Variants in MCC observed in about 807,000 individuals in gnomAD.
MCC encodes colorectal mutant cancer protein.
Under a neutral mutation model 116.2 loss-of-function variants are expected in MCC, and 90 were observed. The observed-to-expected ratio is 0.77, with a 90% confidence interval of 0.65 to 0.92. The LOEUF (loss-of-function observed/expected upper bound fraction) is 0.92, where lower values mean the gene tolerates loss of function less well. Ranked by LOEUF, MCC falls within the 40% of genes least tolerant of loss-of-function variation. The pLI is 0.00. For missense variants in MCC, 1,516 were observed against 1,312.2 expected (o/e 1.16, Z -2.40); for synonymous variants, 578 against 510.5 (o/e 1.13, Z -1.78).
At chr5:113,350,746 C>A (rs1398564793) in intron 2 of MCC, among the ~76,000 whole-genome samples, 1 of 152,042 alleles carries the variant, frequency 6.6e-6, no homozygotes, top group Admixed American at 6.6e-5. Context: ...AGTGAAGAGA[C>A]AACCCACAGA....
intron 3 of MCC, among the ~76,000 whole-genome samples, chr5:113,271,656 A>C (rs1765623108): frequency 6.6e-6 from 1 of 152,222 alleles, no homozygotes; most frequent in African/African-American, 2.4e-5. Context: ...CTTAATCCCC[A>C]GCACAATAGT....
intron 1 of MCC, among the ~76,000 whole-genome samples, chr5:113,397,940 T>C (rs1253378970): frequency 6.6e-6 from 1 of 152,186 alleles, no homozygotes; most frequent in Non-Finnish European, 1.5e-5. Context: ...AAACTATGCA[T>C]CCAACAATGG....
At chr5:113,444,131 C>T (rs1455097146) in intron 1 of MCC, among the ~76,000 whole-genome samples, 1 of 152,122 alleles carries the variant, frequency 6.6e-6, no homozygotes, top group East Asian at 1.9e-4. Context: ...AGGTGTGCAT[C>T]ACCGTGCCCG....
chr5:113,311,801 G>A (rs573587152), intron 3 of MCC, among the ~76,000 whole-genome samples: 42 of 151,830 alleles, frequency 2.8e-4, no homozygotes, highest in African/African-American at 8.5e-4. Context: ...GTAAAACCCC[G>A]TCTCTACTAA....
In MCC at chr5:113,218,683, A is replaced by G. The variant is rs556727432; in HGVS notation, c.628-67261T>C. Among the ~76,000 whole-genome samples, 8 of 152,364 alleles carry G rather than the reference A, an allele frequency of 5.3e-5. No homozygotes were observed. In the East Asian group the frequency reaches 1.5e-3, roughly 29 times the overall value. On this transcript the variant is annotated intron_variant, in intron 3 of 18. Transcript: ENST00000408903. ...TTTTTCACATTACAAATGGAACTCA[A>G]TACAGATTTTAGAATATAAATATCC... is the stretch of plus-strand genomic sequence containing the variant.
At chr5:113,416,573 T>C (rs1747581095) in intron 1 of MCC, among the ~76,000 whole-genome samples, 1 of 152,220 alleles carries the variant, frequency 6.6e-6, no homozygotes, top group Non-Finnish European at 1.5e-5. Flanking sequence ...CATATATATC[T>C]ATACATAAAT....
intron 17 of MCC, among the ~76,000 whole-genome samples, chr5:113,038,834 T>C (rs1032340420): frequency 2.0e-5 from 3 of 152,216 alleles, no homozygotes; most frequent in Admixed American, 1.3e-4. Flanking sequence ...TTCTGGTGGA[T>C]GAGTCAGGGG....
intron 16 of MCC, among the ~76,000 whole-genome samples, chr5:113,047,146 TTG>T (rs1752147758): frequency 6.6e-6 from 1 of 152,124 alleles, no homozygotes; most frequent in South Asian, 2.1e-4. Flanking sequence ...AAGTGGACAT[TTG>T]TGTCTGGCTT....
chr5:113,472,749 G>A (rs980311271), intron 1 of MCC, among the ~76,000 whole-genome samples: 1 of 152,146 alleles, frequency 6.6e-6, no homozygotes, highest in African/African-American at 2.4e-5. Context: ...AATATTTTTT[G>A]TGATTTCCTC....
chr5:113,213,435 T>G (rs1050039358), intron 3 of MCC, among the ~76,000 whole-genome samples: 1 of 152,206 alleles, frequency 6.6e-6, no homozygotes. Flanking sequence ...GGTCTCACAG[T>G]GTTCATGGCT....
At chr5:113,306,859 T>C (rs967803079) in intron 3 of MCC, among the ~76,000 whole-genome samples, 2 of 152,158 alleles carry the variant, frequency 1.3e-5, no homozygotes, top group African/African-American at 2.4e-5. Flanking sequence ...TTAGCCCTTA[T>C]GTTGAGGTCA....
chr5:113,138,030 A>G (rs1758942710), intron 5 of MCC, among the ~76,000 whole-genome samples: 2 of 66,738 alleles, frequency 3.0e-5, no homozygotes, highest in South Asian at 1.5e-3. Flanking sequence ...TTGCGTCCCA[A>G]AATTCTTTTT....
intron 3 of MCC, among the ~76,000 whole-genome samples, chr5:113,245,634 C>T (rs555309172): frequency 2.0e-5 from 3 of 152,282 alleles, no homozygotes; most frequent in African/African-American, 7.2e-5. Flanking sequence ...TGAAACTGTG[C>T]TACCACCCTG....
rs1320822103 is a variant in MCC, at chr5:113,472,017, C to A, written c.170+16228G>T. Among the ~76,000 whole-genome samples, 3 of 152,022 alleles carry A rather than the reference C, an allele frequency of 2.0e-5. No homozygotes were observed. In the East Asian group the frequency reaches 5.8e-4, roughly 29 times the overall value. On this transcript the variant is annotated intron_variant, in intron 1 of 18. Transcript: ENST00000408903. ...GTTTTTTAAGCCCGTTGGAAAAGTG[C>A]AGTATTAGGGTCGGAGTGACCCGAT...
At chr5:113,039,716 C>CCA (rs1554106461) in intron 17 of MCC, among the ~76,000 whole-genome samples, 1 of 139,578 alleles carries the variant, frequency 7.2e-6, no homozygotes. Flanking sequence ...TCCGCGCCCC[C>CCA]CCCCCCAACC....
intron 3 of MCC, chr5:113,294,317 G>A: frequency 6.2e-7 from 1 of 1,613,640 alleles, no homozygotes; most frequent in Non-Finnish European, 8.5e-7. Context: ...CCCGACCTCA[G>A]CTGTTTCTTA....
chr5:113,063,183 C>A (rs1434993956), intron 14 of MCC, among the ~76,000 whole-genome samples: 2 of 152,168 alleles, frequency 1.3e-5, no homozygotes, highest in African/African-American at 2.4e-5. Context: ...GAATCTCTAA[C>A]AAAGTGTCTT....
At chr5:113,057,676 C>G (rs1580947022) in intron 14 of MCC, among the ~76,000 whole-genome samples, 1 of 152,236 alleles carries the variant, frequency 6.6e-6, no homozygotes. Context: ...CTCAGCATCT[C>G]AGCGAAGGCC....
At chr5:113,406,503 C>G (rs1769837852) in intron 1 of MCC, among the ~76,000 whole-genome samples, 1 of 152,182 alleles carries the variant, frequency 6.6e-6, no homozygotes, top group African/African-American at 2.4e-5. Context: ...CCAGGTGAAA[C>G]TGTCCTGGTC....
Sources: gnomAD v4.1 joint callset for allele counts (sites outside exome capture counted in the v4.1 genomes callset) on GRCh38, gnomAD v4.1.1 for gene constraint, MANE v1.5 for transcripts, NCBI Gene and HGNC (gene_info 2026-07-23, HGNC 2026-07-21) for gene names.